COL3A1: variants seen among roughly 807,000 people sequenced by gnomAD.
COL3A1 encodes the protein collagen alpha-1(III) chain.
Under a neutral mutation model 200.9 loss-of-function variants are expected in COL3A1, and 46 were observed. The ratio of observed to expected loss-of-function variants is 0.23; its 90% CI spans 0.18 to 0.29. The LOEUF (loss-of-function observed/expected upper bound fraction) is 0.29, where lower values mean the gene tolerates loss of function less well. Ranked by LOEUF, COL3A1 falls within the 10% of genes least tolerant of loss-of-function variation. COL3A1 has a pLI of 1.00. For missense variants in COL3A1, 1,367 were observed against 1,917.6 expected (o/e 0.71, Z 5.36); for synonymous variants, 650 against 628.0 (o/e 1.03, Z -0.52).
chr2:189,001,567 T>C lies in COL3A1; in HGVS notation c.2369T>C (p.Ile790Thr), dbSNP rs1179918994. 6.2e-7 allele frequency: 1 copy of C among 1,614,110 alleles called. No homozygotes were observed. Among genetic ancestry groups the C allele is most frequent in the South Asian group, 1.1e-5 (1 of 91,076 alleles). Reference protein sequence around the residue: ...GEGGAPGLPGIAGPRGSPGER... With the variant: ...GEGGAPGLPGTAGPRGSPGER... ...GGTGGTGCCCCCGGACTTCCAGGTA[T>C]AGCTGGACCTCGTGGTAGCCCTGTA... The change falls in exon 34 of 51, where the codon ATA becomes ACA. Residue 790 changes from isoleucine to threonine, a missense_variant. Around this residue, in one of 5 missense-constraint regions of COL3A1, gnomAD observed 846 missense variants for 1,147.9 expected, o/e 0.74. Transcript: ENST00000304636.
chr2:189,010,330 G>A lies in COL3A1; in HGVS notation c.3976G>A (p.Val1326Ile), dbSNP rs762269632. ...WTDSSAEKKH[V>I]WFGESMDGGF... Reference sequence around the variant, plus strand: ...AGATTCTAGTGCTGAGAAGAAACACGTTTGGTTTGGAGAGTCCATGGATGG... The same window carrying A: ...AGATTCTAGTGCTGAGAAGAAACACATTTGGTTTGGAGAGTCCATGGATGG... Residue 1326 changes from valine to isoleucine, a missense_variant, in exon 49 of 51, where the codon GTT (valine) becomes ATT (isoleucine). Val to Ile is a conservative substitution (Grantham distance 29). Coordinates refer to ENST00000304636, the MANE Select transcript of COL3A1 (RefSeq NM_000090.4). The A allele has an allele frequency of 5.0e-6, 8 of 1,614,008 alleles. No individual in the cohort carries two copies. The highest frequency in any genetic ancestry group is 2.2e-5 in the East Asian group (1 of 44,876).
rs1428492293 is a variant in COL3A1, at chr2:189,002,492, G to T, written c.2445+141G>T. 5.3e-6 allele frequency: 4 copies of T among 760,458 alleles called. No individual in the cohort carries two copies. The East Asian group carries it at 1.1e-4, about 20-fold the overall frequency. The allele number at this position is 760,458 out of a possible 1,614,324, so 47.1% of individuals were successfully genotyped here. A position where few individuals can be genotyped will look rare whatever the true frequency, so the allele number is the denominator to read the frequency against. ...TATAGGATTATTGTACCCCTATTTT[G>T]TTTTACTTTACCCCTATTGTCGCTC... On this transcript the variant is annotated intron_variant, in intron 35 of 50. Coordinates refer to ENST00000304636, the MANE Select transcript of COL3A1 (RefSeq NM_000090.4).
intron 24 of COL3A1, 71 bp from the exon 25 acceptor site, chr2:188,997,085 GAGACATATA>G: frequency 1.2e-6 from 1 of 856,532 alleles, no homozygotes; most frequent in Non-Finnish European, 1.8e-6. Flanking sequence ...ATATATATAT[GAGACATATA>G]TATATGAGAC....
In COL3A1 at chr2:188,984,772, G is replaced by A. The variant is rs778455518; in HGVS notation, c.92G>A (p.Gly31Glu). 1 of 1,612,962 alleles carries A rather than the reference G, an allele frequency of 6.2e-7. No individual in the cohort carries two copies. ...ILAQQEAVEG[G>E]CSHLGQSYAD... is the part of the protein sequence containing the mutation. ...ACTTGTTTTTCAGCTGTTGAAGGAGGATGTTCCCATCTTGGTCAGTCCTAT... is the reference window on the plus strand; with the variant it reads ...ACTTGTTTTTCAGCTGTTGAAGGAGAATGTTCCCATCTTGGTCAGTCCTAT... Residue 31 changes from glycine to glutamate, a missense_variant, in exon 2 of 51, where the codon GGA becomes GAA. Around this residue, in one of 5 missense-constraint regions of COL3A1, gnomAD observed 55 missense variants for 51.5 expected, o/e 1.07. Coordinates refer to ENST00000304636, the MANE Select transcript of COL3A1 (RefSeq NM_000090.4).
intron 42 of COL3A1, 39 bp from the exon 43 acceptor site, chr2:189,006,306 A>T: frequency 6.2e-7 from 1 of 1,613,586 alleles, no homozygotes; most frequent in Non-Finnish European, 8.5e-7. Flanking sequence ...AAAATAAGTG[A>T]TCATCATGTT....
rs886042219 is a variant in COL3A1, at chr2:189,003,071, C to T, written c.2553+9C>T. On this transcript the variant is annotated intron_variant, in intron 36 of 50. Transcript: ENST00000304636. Reference sequence around the variant, plus strand: ...GAGGTTCTGGACCTGCTGTAAGTTCCTTCCTCTTTCTCTGTCTATCTATCT... The same window carrying T: ...GAGGTTCTGGACCTGCTGTAAGTTCTTTCCTCTTTCTCTGTCTATCTATCT... 1.3e-6 allele frequency: 2 copies of T among 1,532,730 alleles called. No individual in the cohort carries two copies. The highest frequency in any genetic ancestry group is 1.8e-6 in the Non-Finnish European group (2 of 1,129,944). 94.9% of individuals were successfully genotyped at this position (1,532,730 alleles called of 1,614,324 possible).
chr2:189,000,387 A>G (rs987324843), intron 32 of COL3A1, among the ~76,000 whole-genome samples: 5 of 152,246 alleles, frequency 3.3e-5, no homozygotes, highest in Non-Finnish European at 5.9e-5. Flanking sequence ...TACATACTGC[A>G]TGATTCCATT....
In COL3A1 at chr2:188,984,928, A is replaced by T; in HGVS notation, c.248A>T (p.Glu83Val). 1 of 1,613,102 alleles carries T rather than the reference A, an allele frequency of 6.2e-7. No individual in the cohort carries two copies. The highest frequency in any genetic ancestry group is 1.1e-5 in the South Asian group (1 of 91,064). The stretch of plus-strand genomic sequence containing the variant: ...CCCAACCCAGAAATTCCATTTGGAG[A>T]ATGTTGTGCAGTTTGCCCACAGCCT... ...DCPNPEIPFG[E>V]CCAVCPQPPT... The change falls in exon 2 of 51, where the codon GAA becomes GTA. Residue 83 changes from glutamate to valine, a missense_variant. Around this residue, in one of 5 missense-constraint regions of COL3A1, gnomAD observed 462 missense variants for 681.4 expected, o/e 0.68. Transcript: ENST00000304636.
At chr2:188,993,068 A>T (rs1343119175) in intron 15 of COL3A1, 128 bp downstream of exon 15, 2 of 855,354 alleles carry the variant, frequency 2.3e-6, no homozygotes, top group African/African-American at 3.4e-5. Flanking sequence ...ATGTCTTTAA[A>T]GCCCTATTCT....
intron 28 of COL3A1, 59 bp downstream of exon 28, chr2:188,998,378 G>T (rs1313215492): frequency 7.1e-7 from 1 of 1,417,366 alleles, no homozygotes; most frequent in Admixed American, 1.7e-5. Flanking sequence ...CTGTTTGTTT[G>T]TCAACTATTA....
chr2:188,984,378 C>T (rs1688019701), intron 1 of COL3A1, among the ~76,000 whole-genome samples: 1 of 151,958 alleles, frequency 6.6e-6, no homozygotes, highest in Admixed American at 6.6e-5. Context: ...GTTTAATGCT[C>T]CCATCTGCTG....
chr2:189,002,720 C>A (rs41263779), intron 35 of COL3A1, among the ~76,000 whole-genome samples: 1 of 152,192 alleles, frequency 6.6e-6, no homozygotes, highest in Non-Finnish European at 1.5e-5. Flanking sequence ...CTTAGAGACA[C>A]TTCCTCCCTC....
intron 14 of COL3A1, 78 bp downstream of exon 14, chr2:188,992,306 T>A (rs934316236): frequency 8.1e-7 from 1 of 1,230,902 alleles, no homozygotes. Flanking sequence ...ATTTTATATA[T>A]GTATATACTC....
chr2:188,999,756 C>T, intron 31 of COL3A1, 86 bp from the exon 32 acceptor site: 1 of 1,446,962 alleles, frequency 6.9e-7, no homozygotes, highest in Non-Finnish European at 9.5e-7. Flanking sequence ...ATATATATCC[C>T]TACAAATCCT....
rs761381337 is a variant in COL3A1 at position 188,990,159 on chromosome 2, C to T, written c.744+10C>T. 1 of 1,613,222 alleles carries T rather than the reference C, an allele frequency of 6.2e-7. No individual in the cohort carries two copies. Among genetic ancestry groups the T allele is most frequent in the Admixed American group, 1.7e-5 (1 of 59,942 alleles). On this transcript the variant is annotated intron_variant, in intron 9 of 50. Transcript: ENST00000304636. Reference sequence around the variant, plus strand: ...ATTGCCTGGACCTCCAGTGAGTCTTCAGCATCTAATAAATTAATTGGAATA... The same window carrying T: ...ATTGCCTGGACCTCCAGTGAGTCTTTAGCATCTAATAAATTAATTGGAATA...
intron 26 of COL3A1, 34 bp downstream of exon 26, chr2:188,997,423 T>A: frequency 6.3e-7 from 1 of 1,595,388 alleles, no homozygotes; most frequent in Non-Finnish European, 8.6e-7. Flanking sequence ...GAGATGAAAA[T>A]AGGGTGGAGG....
chr2:188,982,028 C>T (rs555578027), intron 1 of COL3A1, among the ~76,000 whole-genome samples: 5 of 151,508 alleles, frequency 3.3e-5, no homozygotes, highest in Non-Finnish European at 7.4e-5. Flanking sequence ...TGCATTAATT[C>T]TTATTTTTTA....
At chr2:188,978,003 T>C in intron 1 of COL3A1, 1 of 361,288 alleles carries the variant, frequency 2.8e-6, no homozygotes. Flanking sequence ...TGATACCTTG[T>C]ATTTACTTAC....
intron 1 of COL3A1, among the ~76,000 whole-genome samples, chr2:188,977,056 T>C (rs948258084): frequency 3.3e-5 from 5 of 152,122 alleles, no homozygotes; most frequent in African/African-American, 9.7e-5. Context: ...GAAAACACAA[T>C]GGTAACAATA....
Sources: allele counts gnomAD v4.1 joint callset (sites outside exome capture counted in the v4.1 genomes callset), GRCh38; gene constraint gnomAD v4.1.1; regional missense constraint gnomAD v4.1.1; transcripts MANE v1.5; gene names NCBI Gene and HGNC (gene_info 2026-07-23, HGNC 2026-07-21).